Variants in FAM135B observed in about 807,000 individuals in gnomAD.
FAM135B encodes the protein family with sequence similarity 135 member B.
In FAM135B, 43 loss-of-function variants were observed where a neutral mutation model predicts 127.7. That is an observed-to-expected ratio of 0.34 (90% CI 0.26 to 0.43). The LOEUF is 0.43. FAM135B is among the 20% of genes least tolerant of loss of function. The pLI, the probability that FAM135B is intolerant of heterozygous loss-of-function variation, is 1.00. For missense variants in FAM135B, 1,558 were observed against 1,725.6 expected, an observed-to-expected ratio of 0.90 and a Z score of 1.72; for synonymous variants, 670 against 665.1, an observed-to-expected ratio of 1.01 and a Z score of -0.11.
At chr8:138,283,391 A>G (rs1441930301) in intron 3 of FAM135B, among the ~76,000 whole-genome samples, 1 of 151,004 alleles carries the variant, frequency 6.6e-6, no homozygotes, top group East Asian at 2.0e-4. Flanking sequence ...ACTATATGAC[A>G]TTCTGAAAAA....
chr8:138,203,403 G>T (rs1395970649), intron 7 of FAM135B, among the ~76,000 whole-genome samples: 1 of 152,144 alleles, frequency 6.6e-6, no homozygotes, highest in Non-Finnish European at 1.5e-5. Flanking sequence ...CTCACTTTGA[G>T]CACCTGTCAG....
At position 138,132,517 on chromosome 8, in the gene FAM135B, G is replaced by C; in HGVS notation, c.*76C>G. On this transcript the variant is annotated 3_prime_UTR_variant, in exon 20 of 20. Coordinates refer to ENST00000395297, the MANE Select transcript of FAM135B (RefSeq NM_015912.4). This position sits in a 1 kb window ranked among gnomAD's most constrained non-coding sequence, Gnocchi z 4.5. ...TTGAAGCTTCATTCTGAAATGGTGA[G>C]GTCTGTAAAAGCAGGTCTCAGCTAA... The C allele has an allele frequency of 2.5e-6, 3 of 1,215,626 alleles. No homozygotes were observed. Among genetic ancestry groups the C allele is most frequent in the Non-Finnish European group, 3.6e-6 (3 of 830,232 alleles). 75.3% of individuals were successfully genotyped at this position (1,215,626 alleles called of 1,614,324 possible).
At position 138,373,232 on chromosome 8, in the gene FAM135B, G is replaced by A. The variant is rs183963824; in HGVS notation, c.-19-5230C>T. ...AATGGAGGGACCGGCTGAAGCCATG[G>A]CAGAAGAAAGTGGATTGTGAAGATT... On this transcript the variant is annotated intron_variant, in intron 1 of 19. Coordinates refer to ENST00000395297, the MANE Select transcript of FAM135B (RefSeq NM_015912.4). 4.5e-3 allele frequency among the ~76,000 whole-genome samples: 680 copies of A among 152,204 alleles called. 9 individuals carry two copies. The highest frequency in any genetic ancestry group is 0.016 in the African/African-American group (650 of 41,522).
intron 7 of FAM135B, among the ~76,000 whole-genome samples, chr8:138,210,166 T>G (rs985914546): frequency 2.0e-5 from 3 of 152,224 alleles, no homozygotes; most frequent in Non-Finnish European, 4.4e-5. Context: ...GTGACCATTG[T>G]GTCTGTCTCT....
Position 138,334,819 on chromosome 8 carries a change from C to G in FAM135B, c.78-23899G>C, listed in dbSNP as rs114049639. ...TGATGGGCATTTAGGTTGATTCCATCTCTTTGCTATTGCGAATAGTGCTGC... is the reference window on the plus strand; with the variant it reads ...TGATGGGCATTTAGGTTGATTCCATGTCTTTGCTATTGCGAATAGTGCTGC... On this transcript the variant is annotated intron_variant, in intron 2 of 19. Coordinates refer to ENST00000395297, the MANE Select transcript of FAM135B (RefSeq NM_015912.4). Among the ~76,000 whole-genome samples the G allele has an allele frequency of 8.8e-3, 1,336 of 152,216 alleles. 24 individuals carry two copies. Among genetic ancestry groups the G allele is most frequent in the African/African-American group, 0.031 (1,282 of 41,508 alleles).
rs192537076 is a variant in FAM135B at position 138,197,631 on chromosome 8, G to T, written c.708C>A (p.His236Gln). The T allele has an allele frequency of 6.2e-7, 1 of 1,614,096 alleles. No homozygotes were observed. The highest frequency in any genetic ancestry group is 2.2e-5 in the East Asian group (1 of 44,890). The change falls in exon 8 of 20, where the codon CAC becomes CAA. Residue 236 changes from histidine (H) to glutamine (Q), a missense_variant. By Grantham distance (24) the His-to-Gln change is conservative. Transcript: ENST00000395297. ...FYITSENCMQ[H>Q]AHKWHRDLCL... ...ACAGGTCTCGGTGCCACTTGTGTGC[G>T]TGCTGCATGCAGTTCTCAGAGGTGA...
rs1447963366 is a variant in FAM135B, at chr8:138,152,222, G to A, written c.2253C>T (p.Ser751=). The A allele has an allele frequency of 1.9e-6, 3 of 1,614,030 alleles. No homozygotes were observed. The South Asian group carries it at 3.3e-5, about 18-fold the overall frequency. ...GCTCATCCTCCTCAAAAGGTAAAGA[G>A]CTAATGGAGGTGAGAGAAGCCTGGA... ...SGIQASLTSI[S]SLPFEEDERE... is the part of the protein sequence containing the mutation. The change falls in exon 13 of 20, where the codon AGC becomes AGT. Residue 751 remains serine, a synonymous_variant. Transcript: ENST00000395297.
intron 1 of FAM135B, among the ~76,000 whole-genome samples, chr8:138,494,733 ACAGAG>A (rs964175352): frequency 3.9e-5 from 6 of 152,154 alleles, no homozygotes; most frequent in African/African-American, 9.7e-5. Context: ...ACCTGACATT[ACAGAG>A]CAGAGTTGGA....
At chr8:138,419,850 G>A (rs1181109027) in intron 1 of FAM135B, among the ~76,000 whole-genome samples, 2 of 152,050 alleles carry the variant, frequency 1.3e-5, no homozygotes, top group East Asian at 3.9e-4. Context: ...CTAAAGCAGT[G>A]TTAGAAAGTT....
chr8:138,240,756 G>A (rs1820694627), intron 7 of FAM135B, among the ~76,000 whole-genome samples: 2 of 152,188 alleles, frequency 1.3e-5, no homozygotes, highest in South Asian at 2.1e-4. Flanking sequence ...AAGTCTTGGA[G>A]GGTGTACAGG....
intron 2 of FAM135B, among the ~76,000 whole-genome samples, chr8:138,348,791 G>T (rs1183675509): frequency 6.6e-6 from 1 of 152,228 alleles, no homozygotes; most frequent in Non-Finnish European, 1.5e-5. Context: ...ACAAAATTGT[G>T]CTTGCACAGC....
chr8:138,299,840 C>T (rs979757240), intron 3 of FAM135B, among the ~76,000 whole-genome samples: 6 of 151,960 alleles, frequency 3.9e-5, no homozygotes, highest in African/African-American at 1.5e-4. Context: ...ATTTTGAAAA[C>T]ACGTGTTGTA....
chr8:138,135,049 C>T (rs892625616), intron 19 of FAM135B, among the ~76,000 whole-genome samples: 3 of 152,156 alleles, frequency 2.0e-5, no homozygotes, highest in Admixed American at 6.5e-5. Flanking sequence ...CCAGGACGCG[C>T]AGTGTAACTA....
chr8:138,194,398 T>A (rs1816436755), intron 9 of FAM135B, among the ~76,000 whole-genome samples: 1 of 152,146 alleles, frequency 6.6e-6, no homozygotes, highest in Admixed American at 6.5e-5. Context: ...AAAGCAGGGG[T>A]GCTCAACCCT....
chr8:138,264,549 G>A (rs755718400), intron 4 of FAM135B, among the ~76,000 whole-genome samples: 5 of 152,132 alleles, frequency 3.3e-5, no homozygotes, highest in Non-Finnish European at 5.9e-5. Context: ...ATGCATGATC[G>A]ATTTATTTAA....
chr8:138,442,876 C>T (rs758423540), intron 1 of FAM135B, among the ~76,000 whole-genome samples: 6 of 152,074 alleles, frequency 3.9e-5, no homozygotes, highest in Non-Finnish European at 5.9e-5. Context: ...GGAAATGGAT[C>T]AATTTTAATG....
At chr8:138,187,560 A>G (rs1303263672) in intron 9 of FAM135B, among the ~76,000 whole-genome samples, 1 of 152,128 alleles carries the variant, frequency 6.6e-6, no homozygotes. Flanking sequence ...TCTGTAACTC[A>G]CTGGGAAATT....
At chr8:138,410,734 A>G (rs1833814745) in intron 1 of FAM135B, among the ~76,000 whole-genome samples, 1 of 152,200 alleles carries the variant, frequency 6.6e-6, no homozygotes, top group Non-Finnish European at 1.5e-5. Flanking sequence ...GAGATTTCCC[A>G]AAGAATATAA....
chr8:138,278,511 G>C (rs966063279), intron 3 of FAM135B, among the ~76,000 whole-genome samples: 2 of 151,484 alleles, frequency 1.3e-5, no homozygotes, highest in African/African-American at 2.4e-5. Context: ...GGTACTGGGG[G>C]AGAACTGAAA....
Sources: allele counts gnomAD v4.1 joint callset (sites outside exome capture counted in the v4.1 genomes callset), GRCh38; gene constraint gnomAD v4.1.1; non-coding constraint Gnocchi (gnomAD v3.1); transcripts MANE v1.5; gene names NCBI Gene and HGNC (gene_info 2026-07-23, HGNC 2026-07-21).